Variants in ANKRD6 observed in about 807,000 individuals in gnomAD.
ANKRD6 encodes ankyrin repeat domain 6.
ANKRD6 carries 56 observed loss-of-function variants against 82.3 expected under a neutral mutation model. The observed-to-expected ratio is 0.68, with a 90% CI of 0.55 to 0.85. ANKRD6 has a LOEUF of 0.85. ANKRD6 is among the 40% of genes least tolerant of loss of function. The pLI, the probability that ANKRD6 is intolerant of heterozygous loss-of-function variation, is 0.00. For synonymous variants in ANKRD6, 347 were observed against 352.1 expected (o/e 0.99, Z 0.16); for missense variants, 852 against 907.6 (o/e 0.94, Z 0.79).
intron 1 of ANKRD6, among the ~76,000 whole-genome samples, chr6:89,534,434 G>GA (rs1225553519): frequency 2.6e-5 from 4 of 151,802 alleles, no homozygotes; most frequent in Non-Finnish European, 4.4e-5. Flanking sequence ...CATGGGAAAA[G>GA]AAAAAAAAGC....
At chr6:89,460,321 TAAGA>T (rs745859551) in intron 1 of ANKRD6, among the ~76,000 whole-genome samples, 1 of 152,078 alleles carries the variant, frequency 6.6e-6, no homozygotes. Context: ...TTTTTCTTTT[TAAGA>T]GAGAGAATAT....
chr6:89,567,085 GCGGTTA>G lies in ANKRD6; in HGVS notation c.111_116del (p.Val38_Thr39del). The G allele has an allele frequency of 6.3e-7, 1 of 1,598,932 alleles. No individual in the cohort carries two copies. On this transcript the variant is annotated inframe_deletion, in exon 2 of 16. Transcript: ENST00000339746. ...GCTCATCAACAAGGGCGCCAGGGTA[GCGGTTA>G]CCAAGGTAACAAGAGAAAAATACGC...
chr6:89,529,376 T>G (rs1328817855), intron 1 of ANKRD6, among the ~76,000 whole-genome samples: 6 of 152,244 alleles, frequency 3.9e-5, no homozygotes, highest in Admixed American at 3.9e-4. Context: ...TAGACTTTTC[T>G]TCTGCAGCTT....
At chr6:89,531,203 T>G (rs1406496623) in intron 1 of ANKRD6, among the ~76,000 whole-genome samples, 1 of 152,208 alleles carries the variant, frequency 6.6e-6, no homozygotes, top group Non-Finnish European at 1.5e-5. Context: ...CGAGCCAAAG[T>G]GCGGATCTGT....
intron 1 of ANKRD6, among the ~76,000 whole-genome samples, chr6:89,528,646 C>T (rs892692146): frequency 2.6e-5 from 4 of 152,194 alleles, no homozygotes; most frequent in Admixed American, 6.5e-5. Context: ...GAAGCCTTTC[C>T]GGAAGGTTTT....
intron 1 of ANKRD6, among the ~76,000 whole-genome samples, chr6:89,557,242 A>T (rs1168164841): frequency 1.3e-5 from 2 of 152,158 alleles, no homozygotes; most frequent in Non-Finnish European, 2.9e-5. Context: ...AGGGTAAAGA[A>T]GTAGACTCAG....
intron 3 of ANKRD6, among the ~76,000 whole-genome samples, chr6:89,600,675 G>A (rs148125484): frequency 1.8e-4 from 28 of 152,178 alleles, no homozygotes; most frequent in Admixed American, 3.9e-4. Context: ...GGCCTATTTT[G>A]GGAAATTCCG....
rs559182118 is a variant in ANKRD6, at chr6:89,619,272, T to C, written c.792+1241T>C. 6.8e-4 allele frequency among the ~76,000 whole-genome samples: 103 copies of C among 152,322 alleles called. 1 individual carries two copies. The highest frequency in any genetic ancestry group is 2.3e-3 in the African/African-American group (96 of 41,566). On this transcript the variant is annotated intron_variant, in intron 9 of 15. Transcript: ENST00000339746. ...GTGGAATCACATCCATGAATCCTGA[T>C]AGAAAAATGCTAGTCTCTCATGGAT...
rs569071576 is a variant in ANKRD6 at position 89,463,866 on chromosome 6, T to TA, written c.-144+30499dup. 7.1e-4 allele frequency among the ~76,000 whole-genome samples: 108 copies of TA among 152,046 alleles called. No homozygotes were observed. The South Asian group carries it at 0.011, about 16-fold the overall frequency. The stretch of plus-strand genomic sequence containing the variant: ...ACGCCCAGTCAAAAATCTTATTTTA[T>TA]AAAAAAAAGCAATTGACCCTCATTT... On this transcript the variant is annotated intron_variant, in intron 1 of 15. Transcript: ENST00000339746.
intron 3 of ANKRD6, among the ~76,000 whole-genome samples, chr6:89,599,798 A>G (rs1374846025): frequency 6.6e-6 from 1 of 152,164 alleles, no homozygotes. Context: ...AAGCCTGAGA[A>G]AGCGTATTGC....
At chr6:89,456,785 A>G (rs559520984) in intron 1 of ANKRD6, among the ~76,000 whole-genome samples, 1 of 152,356 alleles carries the variant, frequency 6.6e-6, no homozygotes, top group African/African-American at 2.4e-5. Context: ...TCCATGAAGG[A>G]CAGCATTGAA....
At chr6:89,494,483 G>C (rs1778373354) in intron 1 of ANKRD6, among the ~76,000 whole-genome samples, 1 of 152,196 alleles carries the variant, frequency 6.6e-6, no homozygotes, top group African/African-American at 2.4e-5. Context: ...TCCAACTCAA[G>C]TTTGGTCAAG....
At chr6:89,615,708 C>T (rs1009138060) in intron 7 of ANKRD6, among the ~76,000 whole-genome samples, 3 of 152,084 alleles carry the variant, frequency 2.0e-5, no homozygotes, top group African/African-American at 7.2e-5. Context: ...TCATGCTACC[C>T]AGGAAAAAAG....
chr6:89,630,208 A>C (rs1202468744), intron 15 of ANKRD6, among the ~76,000 whole-genome samples: 2 of 152,204 alleles, frequency 1.3e-5, no homozygotes, highest in Admixed American at 1.3e-4. Flanking sequence ...GCTAACACAG[A>C]ATCCATGAAA....
chr6:89,596,152 G>A, intron 3 of ANKRD6, 138 bp downstream of exon 3: 2 of 745,448 alleles, frequency 2.7e-6, no homozygotes, highest in East Asian at 2.7e-5. Context: ...TGGTCTCTGT[G>A]GCAGCAAGAA....
intron 1 of ANKRD6, among the ~76,000 whole-genome samples, chr6:89,489,342 T>G (rs963177584): frequency 2.6e-5 from 4 of 152,196 alleles, no homozygotes; most frequent in Non-Finnish European, 5.9e-5. Flanking sequence ...TCTCTGCTCT[T>G]GACAGAACAG....
At chr6:89,567,237 G>A (rs1282196232) in intron 2 of ANKRD6, 141 bp downstream of exon 2, 2 of 1,217,148 alleles carry the variant, frequency 1.6e-6, no homozygotes, top group Non-Finnish European at 2.2e-6. Context: ...GGGAGAAGGA[G>A]GATTATTAAG....
intron 2 of ANKRD6, among the ~76,000 whole-genome samples, chr6:89,571,562 T>A (rs1363809581): frequency 1.3e-5 from 2 of 152,126 alleles, no homozygotes; most frequent in Non-Finnish European, 2.9e-5. Context: ...TCCTTTATCA[T>A]ATATTTGATT....
At chr6:89,513,148 A>G (rs1780759499) in intron 1 of ANKRD6, among the ~76,000 whole-genome samples, 1 of 152,156 alleles carries the variant, frequency 6.6e-6, no homozygotes, top group South Asian at 2.1e-4. Flanking sequence ...GCTGGTCTCA[A>G]ACTCCTCAGT....
Sources: gnomAD v4.1 joint callset for allele counts (sites outside exome capture counted in the v4.1 genomes callset) on GRCh38, gnomAD v4.1.1 for gene constraint, MANE v1.5 for transcripts, NCBI Gene and HGNC (gene_info 2026-07-23, HGNC 2026-07-21) for gene names.